The following PPP1CC variants were observed in gnomAD, a reference collection of about 807,000 sequenced individuals.
PPP1CC encodes the protein protein phosphatase 1 catalytic subunit gamma, also known as serine/threonine-protein phosphatase PP1-gamma catalytic subunit.
Under a neutral mutation model 38.4 loss-of-function variants are expected in PPP1CC, and 16 were observed. The ratio of observed to expected loss-of-function variants is 0.42; its 90% CI spans 0.28 to 0.63. The LOEUF is 0.63. Among genes scored for constraint, PPP1CC ranks in the 30% least tolerant of loss-of-function variants. The pLI is 0.25. For synonymous variants in PPP1CC, 158 were observed against 136.0 expected, an observed-to-expected ratio of 1.16 and a Z score of -1.13; for missense variants, 170 against 391.3, an observed-to-expected ratio of 0.43 and a Z score of 4.77.
At position 110,722,355 on chromosome 12, in the gene PPP1CC, C is replaced by T; in HGVS notation, c.748-86G>A. On this transcript the variant is annotated intron_variant, in intron 5 of 6. Transcript: ENST00000335007. This position sits in a 1 kb window ranked among gnomAD's most constrained non-coding sequence, Gnocchi z 5.4. ...TTCAGTTTCCCATTGAGCCTGATAT[C>T]TTGTGTTCCAGAAACACTTTGTATA... 3 of 1,566,184 alleles carry T rather than the reference C, an allele frequency of 1.9e-6. No homozygotes were observed. The highest frequency in any genetic ancestry group is 2.6e-6 in the Non-Finnish European group (3 of 1,142,822).
rs762549508 is a variant in PPP1CC, at chr12:110,722,743, A to T, written c.524-48T>A. 7.0e-7 allele frequency: 1 copy of T among 1,434,700 alleles called. No individual in the cohort carries two copies. Among genetic ancestry groups the T allele is most frequent in the Non-Finnish European group, 9.5e-7 (1 of 1,049,070 alleles). 88.9% of individuals were successfully genotyped at this position (1,434,700 alleles called of 1,614,324 possible). On this transcript the variant is annotated intron_variant, in intron 4 of 6. Coordinates refer to ENST00000335007, the MANE Select transcript of PPP1CC (RefSeq NM_002710.4). The surrounding 1 kb of genome is among the most constrained non-coding windows in gnomAD (Gnocchi z 5.4). ...AAATGAAGAAAGCAGAACTTTTAAA[A>T]GGATACTACCCCTTCAAAAGTTCCA...
At chr12:110,710,109 C>T in the PPP1CC span, among the ~76,000 whole-genome samples, 11 of 151,584 alleles carry the variant, frequency 7.3e-5, no homozygotes, top group Non-Finnish European at 1.2e-4. Flanking sequence ...AGGACATTAT[C>T]AAGAATGCAA....
chr12:110,710,452 C>T, the PPP1CC span, among the ~76,000 whole-genome samples: 2 of 151,980 alleles, frequency 1.3e-5, no homozygotes, highest in Non-Finnish European at 2.9e-5. Flanking sequence ...GGTGCGGTGG[C>T]TCACACCTGT....
At chr12:110,736,505 A>C (rs989174780) in intron 1 of PPP1CC, among the ~76,000 whole-genome samples, 1 of 151,764 alleles carries the variant, frequency 6.6e-6, no homozygotes, top group Non-Finnish European at 1.5e-5. Context: ...ATAGCTGGAC[A>C]TGGTGGCGTG....
chr12:110,721,011 G>T lies in PPP1CC; in HGVS notation c.*65C>A. 3 of 1,430,150 alleles carry T rather than the reference G, an allele frequency of 2.1e-6. No homozygotes were observed. The highest frequency in any genetic ancestry group is 3.0e-6 in the Non-Finnish European group (3 of 1,014,662). The allele number at this position is 1,430,150 out of a possible 1,614,324, so 88.6% of individuals were successfully genotyped here. ...AGCAAGCTGACCAGTACACATTACA[G>T]TCTTAAAAATGAAGGTTATATACTC... On this transcript the variant is annotated 3_prime_UTR_variant, in exon 7 of 7. Transcript: ENST00000335007.
In PPP1CC at chr12:110,730,742, A is replaced by G; in HGVS notation, c.205T>C (p.Tyr69His). 6.2e-7 allele frequency: 1 copy of G among 1,612,202 alleles called. No individual in the cohort carries two copies. Among genetic ancestry groups the G allele is most frequent in the Non-Finnish European group, 8.5e-7 (1 of 1,179,394 alleles). ...LKICGDIHGQYYDLLRLFEYG... is the reference protein window; with the variant it reads ...LKICGDIHGQHYDLLRLFEYG... ...TCAAAAAGTCGCAGCAAATCATAGT[A>G]TTGTCCATGGATGTCACCTGGAAGC... The change falls in exon 3 of 7, where the codon TAC becomes CAC. Residue 69 changes from tyrosine (Y) to histidine (H), a missense_variant. By Grantham distance (83) the Tyr-to-His change is moderately conservative (BLOSUM62 2). Coordinates refer to ENST00000335007, the MANE Select transcript of PPP1CC (RefSeq NM_002710.4).
At chr12:110,739,785 G>C (rs2069993473) in intron 1 of PPP1CC, among the ~76,000 whole-genome samples, 1 of 152,198 alleles carries the variant, frequency 6.6e-6, no homozygotes, top group Admixed American at 6.5e-5. Flanking sequence ...ATGGCTCCTT[G>C]AAGGAGGTCA....
intron 4 of PPP1CC, among the ~76,000 whole-genome samples, chr12:110,723,283 T>C (rs2069760032): frequency 6.6e-6 from 1 of 151,282 alleles, no homozygotes; most frequent in Non-Finnish European, 1.5e-5. Context: ...CAAGAGCTTA[T>C]TGTATCGAGT....
chr12:110,741,488 T>A (rs1593588540), intron 1 of PPP1CC, among the ~76,000 whole-genome samples: 1 of 152,232 alleles, frequency 6.6e-6, no homozygotes, highest in East Asian at 1.9e-4. Context: ...GATGTTAGCA[T>A]CCGTTGACAT....
At chr12:110,732,778 T>G (rs2069893459) in intron 1 of PPP1CC, 1 of 152,228 alleles carries the variant, frequency 6.6e-6, no homozygotes, top group African/African-American at 2.4e-5. Context: ...AGGGTTCTTC[T>G]ATCAAAGTAC....
rs1053072064 is a variant in PPP1CC, at chr12:110,731,893, A to C, written c.64T>G (p.Ser22Ala). The change falls in exon 2 of 7, where the codon TCC (serine) becomes GCC (alanine). Residue 22 changes from serine (S) to alanine (A), a missense_variant. Transcript: ENST00000335007. ...IIQRLLEVRG[S>A]KPGKNVQLQE... ...AGCTGGACATTCTTACCAGGCTTGG[A>C]CCCTCTCACTGCAAGAGAAAAATCG... The C allele has an allele frequency of 6.2e-7, 1 of 1,612,836 alleles. No homozygotes were observed. Among genetic ancestry groups the C allele is most frequent in the Non-Finnish European group, 8.5e-7 (1 of 1,179,096 alleles).
intron 1 of PPP1CC, among the ~76,000 whole-genome samples, chr12:110,736,217 T>C (rs917373667): frequency 7.9e-5 from 12 of 152,234 alleles, no homozygotes; most frequent in Non-Finnish European, 1.5e-5. Context: ...GGAAAACGTA[T>C]TATTACTGTT....
chr12:110,721,086 G>C lies in PPP1CC; in HGVS notation c.962C>G (p.Ala321Gly). 6.2e-7 allele frequency: 1 copy of C among 1,613,630 alleles called. No homozygotes were observed. The change falls in exon 7 of 7, where the codon GCA becomes GGA. Residue 321 changes from alanine (A) to glycine (G), a missense_variant. Physicochemically the swap from Ala to Gly is moderately conservative, Grantham distance 60. Coordinates refer to ENST00000335007, the MANE Select transcript of PPP1CC (RefSeq NM_002710.4). ...GTGTCAAAACGACATCTATTTCTTTGCTTGCTTTGTGATCATACCCCTTGG... is the reference window on the plus strand; with the variant it reads ...GTGTCAAAACGACATCTATTTCTTTCCTTGCTTTGTGATCATACCCCTTGG... ...TPPRGMITKQ[A>G]KK
chr12:110,716,613 A>C (rs2069689784), downstream of PPP1CC, among the ~76,000 whole-genome samples: 1 of 152,170 alleles, frequency 6.6e-6, no homozygotes, highest in South Asian at 2.1e-4. Flanking sequence ...TCGGCCTCCC[A>C]ATCACGCTGG....
chr12:110,712,897 C>A, the PPP1CC span, among the ~76,000 whole-genome samples: 1 of 151,418 alleles, frequency 6.6e-6, no homozygotes, highest in South Asian at 2.1e-4. Flanking sequence ...CATGGAGAAA[C>A]CCCATCTCTA....
At chr12:110,712,333 A>G in the PPP1CC span, among the ~76,000 whole-genome samples, 1 of 151,708 alleles carries the variant, frequency 6.6e-6, no homozygotes, top group East Asian at 1.9e-4. Context: ...TTATAGATAC[A>G]CACACATTGA....
chr12:110,742,778 C>A lies in PPP1CC; in HGVS notation c.-71G>T. 1 of 1,243,682 alleles carries A rather than the reference C, an allele frequency of 8.0e-7. No homozygotes were observed. Among genetic ancestry groups the A allele is most frequent in the Non-Finnish European group, 1.0e-6 (1 of 960,576 alleles). The allele number at this position is 1,243,682 out of a possible 1,614,324, so 77.0% of individuals were successfully genotyped here. ...CGCGCCCGGGACTCACACCTCCTTT[C>A]CCACGCCACGAGCAGAGGCGGTGGT... On this transcript the variant is annotated 5_prime_UTR_variant, in exon 1 of 7. Coordinates refer to ENST00000335007, the MANE Select transcript of PPP1CC (RefSeq NM_002710.4).
chr12:110,718,261 A>T (rs2069702869), downstream of PPP1CC, among the ~76,000 whole-genome samples: 1 of 152,178 alleles, frequency 6.6e-6, no homozygotes, highest in African/African-American at 2.4e-5. Context: ...AGCAATTTCT[A>T]TGGGAGGGTA....
chr12:110,723,903 A>C (rs1177831914), intron 4 of PPP1CC, among the ~76,000 whole-genome samples: 1 of 152,138 alleles, frequency 6.6e-6, no homozygotes, highest in African/African-American at 2.4e-5. Context: ...GTTCTAGAGG[A>C]TCTCTGGCAC....
Sources: allele counts gnomAD v4.1 joint callset (sites outside exome capture counted in the v4.1 genomes callset), GRCh38; gene constraint gnomAD v4.1.1; non-coding constraint Gnocchi (gnomAD v3.1); transcripts MANE v1.5; gene names NCBI Gene and HGNC (gene_info 2026-07-23, HGNC 2026-07-21).